The following SPEF2 variants were observed in gnomAD, a reference collection of about 807,000 sequenced individuals.
The protein encoded by SPEF2 is sperm flagella and cilia-associated protein 2.
SPEF2 carries 187 observed loss-of-function variants against 224.6 expected under a neutral mutation model. The ratio of observed to expected loss-of-function variants is 0.83; its 90% CI spans 0.74 to 0.94. The LOEUF (loss-of-function observed/expected upper bound fraction) is 0.94, where lower values mean the gene tolerates loss of function less well. SPEF2 is among the 40% of genes least tolerant of loss of function. The pLI, the probability that SPEF2 is intolerant of heterozygous loss-of-function variation, is 0.00. For missense variants in SPEF2, 2,170 were observed against 2,135.6 expected (o/e 1.02, Z -0.32); for synonymous variants, 715 against 707.3 (o/e 1.01, Z -0.17).
At position 35,740,209 on chromosome 5, in the gene SPEF2, T is replaced by G; in HGVS notation, c.3272T>G (p.Leu1091Arg). ...VAQWQADFNS[L>R]PDDLWDDEET... ...CAATGGCAGGCTGATTTCAACTCCCTTCCTGATGACCTGTGGGATGATGAG... is the reference window on the plus strand; with the variant it reads ...CAATGGCAGGCTGATTTCAACTCCCGTCCTGATGACCTGTGGGATGATGAG... Residue 1091 changes from leucine (L) to arginine (R), a missense_variant, in exon 23 of 37, where the codon CTT (leucine) becomes CGT (arginine). Physicochemically the swap from Leu to Arg is moderately radical, Grantham distance 102 (BLOSUM62 -2). Transcript: ENST00000356031. 1.2e-6 allele frequency: 2 copies of G among 1,614,144 alleles called. No homozygotes were observed. Among genetic ancestry groups the G allele is most frequent in the Non-Finnish European group, 1.7e-6 (2 of 1,180,018 alleles).
chr5:35,628,708 C>T (rs550363182), intron 2 of SPEF2, 146 bp downstream of exon 2: 5 of 573,894 alleles, frequency 8.7e-6, no homozygotes, highest in African/African-American at 3.9e-5. Context: ...CCTCTTGCCT[C>T]GGCTTCCCAA....
chr5:35,745,016 A>G (rs1333678164), intron 23 of SPEF2, among the ~76,000 whole-genome samples: 1 of 152,224 alleles, frequency 6.6e-6, no homozygotes, highest in Non-Finnish European at 1.5e-5. Flanking sequence ...CCTCTCCTGA[A>G]CACACCCCCA....
chr5:35,670,565 A>G (rs1441924982), intron 10 of SPEF2: 4 of 995,206 alleles, frequency 4.0e-6, no homozygotes, highest in African/African-American at 3.5e-5. Context: ...TTCAAAAACC[A>G]TTGTTAAAAA....
chr5:35,623,056 G>T (rs184368894), intron 1 of SPEF2, among the ~76,000 whole-genome samples: 101 of 152,338 alleles, frequency 6.6e-4, no homozygotes, highest in Middle Eastern at 3.4e-3. Flanking sequence ...TAGATTTATA[G>T]ATTTGTTGTA....
At chr5:35,764,302 G>A (rs997010272) in intron 26 of SPEF2, among the ~76,000 whole-genome samples, 4 of 151,902 alleles carry the variant, frequency 2.6e-5, no homozygotes, top group African/African-American at 9.7e-5. Context: ...TCCAATTTAC[G>A]ATGGAGAATT....
At chr5:35,803,805 G>A (rs1757744845) in intron 34 of SPEF2, among the ~76,000 whole-genome samples, 1 of 152,188 alleles carries the variant, frequency 6.6e-6, no homozygotes. Flanking sequence ...ACAAACAACT[G>A]GAAATCTCCC....
chr5:35,652,779 A>G (rs1247358886), intron 6 of SPEF2, among the ~76,000 whole-genome samples: 2 of 152,188 alleles, frequency 1.3e-5, no homozygotes, highest in Non-Finnish European at 2.9e-5. Context: ...ATATGCAGGT[A>G]TTACATCATA....
chr5:35,778,096 CT>C (rs1239700094), intron 29 of SPEF2, among the ~76,000 whole-genome samples: 5 of 152,076 alleles, frequency 3.3e-5, no homozygotes, highest in Admixed American at 3.3e-4. Flanking sequence ...ACTAATGCTA[CT>C]TTTTAAATTT....
At chr5:35,696,918 A>G (rs1340315967) in intron 14 of SPEF2, among the ~76,000 whole-genome samples, 1 of 152,170 alleles carries the variant, frequency 6.6e-6, no homozygotes, top group Non-Finnish European at 1.5e-5. Flanking sequence ...GGCCATGAGA[A>G]TAGTGAGGCA....
chr5:35,753,895 G>A, intron 24 of SPEF2, 134 bp downstream of exon 24: 1 of 1,080,280 alleles, frequency 9.3e-7, no homozygotes, highest in Non-Finnish European at 1.3e-6. Flanking sequence ...TGCCTGGTAT[G>A]AGCTCCAACT....
Position 35,691,166 on chromosome 5 carries a change from A to G in SPEF2, c.1654A>G (p.Thr552Ala), listed in dbSNP as rs1296959370. The G allele has an allele frequency of 3.7e-6, 6 of 1,613,966 alleles. No individual in the cohort carries two copies. Among genetic ancestry groups the G allele is most frequent in the Non-Finnish European group, 5.1e-6 (6 of 1,179,990 alleles). The change falls in exon 11 of 37, where the codon ACA (threonine) becomes GCA (alanine). Residue 552 changes from threonine (T) to alanine (A), a missense_variant. Physicochemically the swap from Thr to Ala is moderately conservative, Grantham distance 58. Transcript: ENST00000356031. ...KSLPPRAEST[T>A]PELPSFAVKG... is the part of the protein sequence containing the mutation. The stretch of plus-strand genomic sequence containing the variant: ...TCTTCCTCCTCGAGCGGAATCAACA[A>G]CACCTGAATTACCTTCATTTGCTGT...
At chr5:35,771,574 A>G in intron 26 of SPEF2, 35 bp from the exon 27 acceptor site, 1 of 1,579,450 alleles carries the variant, frequency 6.3e-7, no homozygotes, top group Non-Finnish European at 8.5e-7. Context: ...TTTGTAAATG[A>G]GACATTAACT....
chr5:35,722,584 C>G (rs1208576063), intron 20 of SPEF2, among the ~76,000 whole-genome samples: 2 of 58,892 alleles, frequency 3.4e-5, no homozygotes, highest in African/African-American at 9.6e-5. Context: ...GCTGCACCCA[C>G]TAAACTCGTC....
At chr5:35,733,102 TTTTTTTGTTTTTTG>T (rs548480244) in intron 21 of SPEF2, among the ~76,000 whole-genome samples, 1 of 150,502 alleles carries the variant, frequency 6.6e-6, no homozygotes, top group South Asian at 2.1e-4. Context: ...AACACAGGTT[TTTTTTTGTTTTTTG>T]TTTTTTGTTT....
rs201745507 is a variant in SPEF2 at position 35,794,278 on chromosome 5, C to T, written c.4737+937C>T. Among the ~76,000 whole-genome samples, 10 of 152,300 alleles carry T rather than the reference C, an allele frequency of 6.6e-5. No homozygotes were observed. The East Asian group carries it at 1.7e-3, about 26-fold the overall frequency. On this transcript the variant is annotated intron_variant, in intron 32 of 36. Transcript: ENST00000356031. ...TGCTGGTAGACATGAAATAGGGAAA[C>T]TTTCAGAAGGAGCTAACTTTGAAAC...
At chr5:35,757,782 A>G (rs1244109898) in intron 24 of SPEF2, among the ~76,000 whole-genome samples, 1 of 152,192 alleles carries the variant, frequency 6.6e-6, no homozygotes, top group Non-Finnish European at 1.5e-5. Context: ...ATGCTAGTTT[A>G]AAAACTACTT....
chr5:35,620,684 A>ATTGT (rs751096469), intron 1 of SPEF2, among the ~76,000 whole-genome samples: 23 of 152,222 alleles, frequency 1.5e-4, no homozygotes, highest in Non-Finnish European at 2.6e-4. Context: ...CATACTATGA[A>ATTGT]TTGTTATGCA....
intron 28 of SPEF2, among the ~76,000 whole-genome samples, chr5:35,775,204 T>C (rs1031975441): frequency 1.3e-5 from 2 of 152,018 alleles, no homozygotes; most frequent in African/African-American, 4.8e-5. Context: ...GAGATTGAGG[T>C]GAAGGATCGA....
In SPEF2 at chr5:35,670,239, T is replaced by C; in HGVS notation, c.1524+12T>C. ...ATGAAGAATATAAGGTACCTACTGA[T>C]ATGAAATAATTAGAATGCTACATAA... On this transcript the variant is annotated intron_variant, in intron 10 of 36. Coordinates refer to ENST00000356031, the MANE Select transcript of SPEF2 (RefSeq NM_024867.4). 6.3e-7 allele frequency: 1 copy of C among 1,581,874 alleles called. No individual in the cohort carries two copies. Among genetic ancestry groups the C allele is most frequent in the Non-Finnish European group, 8.6e-7 (1 of 1,167,936 alleles).
Sources: gnomAD v4.1 joint callset for allele counts (sites outside exome capture counted in the v4.1 genomes callset) on GRCh38, gnomAD v4.1.1 for gene constraint, MANE v1.5 for transcripts, NCBI Gene and HGNC (gene_info 2026-07-23, HGNC 2026-07-21) for gene names.